Variants in SPATA31A1 observed in about 807,000 individuals in gnomAD.
SPATA31A1 encodes spermatogenesis-associated protein 31A1.
For missense variants in SPATA31A1, 579 were observed against 1,476.3 expected (o/e 0.39, Z 9.96); for synonymous variants, 194 against 573.4 (o/e 0.34, Z 9.45).
Position 39,361,359 on chromosome 9 carries a change from T to G in SPATA31A1, c.3594T>G (p.Cys1198Trp). The G allele has an allele frequency of 6.2e-7, 1 of 1,613,584 alleles. No homozygotes were observed. Among genetic ancestry groups the G allele is most frequent in the Non-Finnish European group, 8.5e-7 (1 of 1,179,842 alleles). The change falls in exon 4 of 4, where the codon TGT (cysteine) becomes TGG (tryptophan). Residue 1198 changes from cysteine to tryptophan, a missense_variant. Transcript: ENST00000377647. The stretch of plus-strand genomic sequence containing the variant: ...AAAAAACAGTGAAAAACAGATCATG[T>G]GTGTACAGCAGCAGTGCTGAAGCTC... ...ESQKTVKNRS[C>W]VYSSSAEAQG...
At position 39,358,736 on chromosome 9, in the gene SPATA31A1, G is replaced by T. The variant is rs1587773364; in HGVS notation, c.971G>T (p.Gly324Val). ...AGSLFLLSSDGQNAVGIQVTE... is the reference protein window; with the variant it reads ...AGSLFLLSSDVQNAVGIQVTE... ...AGCCTGTTTTTGCTCAGCTCTGATGGCCAGAATGCCGTGGGGATACAAGTC... is the reference window on the plus strand; with the variant it reads ...AGCCTGTTTTTGCTCAGCTCTGATGTCCAGAATGCCGTGGGGATACAAGTC... Residue 324 changes from glycine to valine, a missense_variant, in exon 4 of 4, where the codon GGC becomes GTC. Physicochemically the swap from Gly to Val is moderately radical, Grantham distance 109. Coordinates refer to ENST00000377647, the MANE Select transcript of SPATA31A1 (RefSeq NM_001085452.4). 14 of 1,604,294 alleles carry T rather than the reference G, an allele frequency of 8.7e-6. No individual in the cohort carries two copies. The highest frequency in any genetic ancestry group is 1.2e-5 in the Non-Finnish European group (14 of 1,179,792).
In SPATA31A1 at chr9:39,361,306, A is replaced by T. The variant is rs1441840450; in HGVS notation, c.3541A>T (p.Lys1181Ter). The T allele has an allele frequency of 6.2e-7, 1 of 1,613,278 alleles. No individual in the cohort carries two copies. The highest frequency in any genetic ancestry group is 8.5e-7 in the Non-Finnish European group (1 of 1,179,844). Reference protein sequence around the residue: ...FQWIFSKKKSKPAPVTAESQK... With the variant: ...FQWIFSKKKS ...GTGGATTTTTTCAAAGAAAAAAAGC[A>T]AGCCAGCACCAGTCACTGCTGAGAG... Residue 1181 changes from lysine to a stop codon, truncating the protein, a stop_gained, in exon 4 of 4, where the codon AAG (lysine) becomes TAG (stop). Transcript: ENST00000377647. LOFTEE classifies it low-confidence loss of function (END_TRUNC).
In SPATA31A1 at chr9:39,360,770, A is replaced by G. The variant is rs964481228; in HGVS notation, c.3005A>G (p.Lys1002Arg). The part of the protein sequence containing the change: ...PRVSVSQDPR[K>R]LCLMEEVVNE... ...GTGTCTGTCTCCCAAGATCCAAGAA[A>G]GCTGTGTCTTATGGAGGAGGTTGTT... is the stretch of plus-strand genomic sequence containing the variant. The change falls in exon 4 of 4, where the codon AAG (lysine) becomes AGG (arginine). Residue 1002 changes from lysine to arginine, a missense_variant. Coordinates refer to ENST00000377647, the MANE Select transcript of SPATA31A1 (RefSeq NM_001085452.4). 1.9e-6 allele frequency: 3 copies of G among 1,610,992 alleles called. No homozygotes were observed. In the African/African-American group the frequency reaches 4.0e-5, roughly 22 times the overall value.
chr9:39,356,543 C>CATTTTATTTTATTTT (rs1311401622), intron 1 of SPATA31A1, among the ~76,000 whole-genome samples: 1 of 66,256 alleles, frequency 1.5e-5, no homozygotes, highest in Non-Finnish European at 3.1e-5. Context: ...GTGTTATTTT[C>CATTTTATTTTATTTT]ATTTTATTTT....
Position 39,361,312 on chromosome 9 carries a change from G to T in SPATA31A1, c.3547G>T (p.Ala1183Ser). 6.2e-7 allele frequency: 1 copy of T among 1,613,284 alleles called. No homozygotes were observed. The highest frequency in any genetic ancestry group is 8.5e-7 in the Non-Finnish European group (1 of 1,179,834). Residue 1183 changes from alanine (A) to serine (S), a missense_variant, in exon 4 of 4, where the codon GCA (alanine) becomes TCA (serine). Coordinates refer to ENST00000377647, the MANE Select transcript of SPATA31A1 (RefSeq NM_001085452.4). ...WIFSKKKSKPAPVTAESQKTV... is the reference protein window; with the variant it reads ...WIFSKKKSKPSPVTAESQKTV... ...TTTTTCAAAGAAAAAAAGCAAGCCA[G>T]CACCAGTCACTGCTGAGAGCCAAAA... is the stretch of plus-strand genomic sequence containing the variant.
Position 39,355,838 on chromosome 9 carries a change from G to C in SPATA31A1, c.108G>C (p.Leu36=). 1 of 363,114 alleles carries C rather than the reference G, an allele frequency of 2.8e-6. No individual in the cohort carries two copies. Among genetic ancestry groups the C allele is most frequent in the Non-Finnish European group, 4.3e-6 (1 of 232,704 alleles). The allele number at this position is 363,114 out of a possible 1,614,324, so 22.5% of individuals were successfully genotyped here. The stretch of plus-strand genomic sequence containing the variant: ...TCTTCCTCACTTTGGTGTTTGCCCT[G>C]GGGTTCTTCTTCCTATTACTCCCCT... ...LDIFLTLVFA[L]GFFFLLLPYL... Residue 36 remains leucine, a synonymous_variant, in exon 1 of 4, where the codon CTG becomes CTC. Transcript: ENST00000377647.
Position 39,360,745 on chromosome 9 carries a change from G to C in SPATA31A1, c.2980G>C (p.Val994Leu). The C allele has an allele frequency of 6.2e-7, 1 of 1,612,044 alleles. No individual in the cohort carries two copies. The highest frequency in any genetic ancestry group is 8.5e-7 in the Non-Finnish European group (1 of 1,179,702). Residue 994 changes from valine (V) to leucine (L), a missense_variant, in exon 4 of 4, where the codon GTG becomes CTG. Coordinates refer to ENST00000377647, the MANE Select transcript of SPATA31A1 (RefSeq NM_001085452.4). The stretch of plus-strand genomic sequence containing the variant: ...CAGCAAAAGCTCTCTACACCCTAGA[G>C]TGTCTGTCTCCCAAGATCCAAGAAA... ...GTSKSSLHPR[V>L]SVSQDPRKLC...
chr9:39,356,434 G>A (rs1275839870), intron 1 of SPATA31A1, among the ~76,000 whole-genome samples: 1 of 127,460 alleles, frequency 7.8e-6, no homozygotes, highest in African/African-American at 3.1e-5. Flanking sequence ...TGGAGCAGAG[G>A]AACAGGGACT....
intron 1 of SPATA31A1, among the ~76,000 whole-genome samples, chr9:39,356,439 G>A (rs1401475320): frequency 7.7e-6 from 1 of 130,622 alleles, no homozygotes; most frequent in Admixed American, 7.8e-5. Flanking sequence ...CAGAGGAACA[G>A]GGACTGAAGG....
chr9:39,358,769 C>T lies in SPATA31A1; in HGVS notation c.1004C>T (p.Thr335Ile), dbSNP rs1322103658. 3 of 1,601,290 alleles carry T rather than the reference C, an allele frequency of 1.9e-6. No individual in the cohort carries two copies. The highest frequency in any genetic ancestry group is 2.5e-6 in the Non-Finnish European group (3 of 1,179,772). Residue 335 changes from threonine (T) to isoleucine (I), a missense_variant, in exon 4 of 4, where the codon ACA becomes ATA. Physicochemically the swap from Thr to Ile is moderately conservative, Grantham distance 89. Transcript: ENST00000377647. ...GCCGTGGGGATACAAGTCACAGAAA[C>T]AGCCAAGGTCAACATTTGGGAAGAA... ...QNAVGIQVTE[T>I]AKVNIWEEKE...
Position 39,358,490 on chromosome 9 carries a change from C to T in SPATA31A1, c.725C>T (p.Ser242Leu). 6.4e-7 allele frequency: 1 copy of T among 1,571,722 alleles called. No homozygotes were observed. Among genetic ancestry groups the T allele is most frequent in the South Asian group, 1.1e-5 (1 of 89,234 alleles). Reference protein sequence around the residue: ...STLITPSHCDSVALPLGTVPQ... With the variant: ...STLITPSHCDLVALPLGTVPQ... ...CTGATAACTCCATCTCACTGTGACTCAGTGGCACTTCCACTGGGCACCGTC... is the reference window on the plus strand; with the variant it reads ...CTGATAACTCCATCTCACTGTGACTTAGTGGCACTTCCACTGGGCACCGTC... The change falls in exon 4 of 4, where the codon TCA (serine) becomes TTA (leucine). Residue 242 changes from serine to leucine, a missense_variant. By Grantham distance (145) the Ser-to-Leu change is moderately radical (BLOSUM62 -2). Transcript: ENST00000377647.
rs1378616728 is a variant in SPATA31A1 at position 39,360,799 on chromosome 9, G to A, written c.3034G>A (p.Glu1012Lys). 1 of 1,608,926 alleles carries A rather than the reference G, an allele frequency of 6.2e-7. No individual in the cohort carries two copies. Among genetic ancestry groups the A allele is most frequent in the South Asian group, 1.1e-5 (1 of 90,902 alleles). The change falls in exon 4 of 4, where the codon GAA becomes AAA. Residue 1012 changes from glutamate (E) to lysine (K), a missense_variant. Physicochemically the swap from Glu to Lys is moderately conservative, Grantham distance 56. Transcript: ENST00000377647. ...GTGTCTTATGGAGGAGGTTGTTAAT[G>A]AATTTGAGCCTGGAATGGCCACAAA... Reference protein sequence around the residue: ...KLCLMEEVVNEFEPGMATKSE... With the variant: ...KLCLMEEVVNKFEPGMATKSE...
In SPATA31A1 at chr9:39,358,663, G is replaced by A. The variant is rs1259194390; in HGVS notation, c.898G>A (p.Asp300Asn). 2.1e-5 allele frequency: 33 copies of A among 1,608,318 alleles called. No individual in the cohort carries two copies. Among genetic ancestry groups the A allele is most frequent in the Non-Finnish European group, 1.1e-5 (13 of 1,179,762 alleles). Residue 300 changes from aspartate to asparagine, a missense_variant, in exon 4 of 4, where the codon GAT (aspartate) becomes AAT (asparagine). Physicochemically the swap from Asp to Asn is conservative, Grantham distance 23. Transcript: ENST00000377647. Reference sequence around the variant, plus strand: ...CGCCTTTAACTCATCAGTCCAGCAAGATCATCTTTCCCGCCACCCACCAGA... The same window carrying A: ...CGCCTTTAACTCATCAGTCCAGCAAAATCATCTTTCCCGCCACCCACCAGA... ...SCAFNSSVQQ[D>N]HLSRHPPETY...
chr9:39,358,522 A>C lies in SPATA31A1; in HGVS notation c.757A>C (p.Ser253Arg). 6.3e-7 allele frequency: 1 copy of C among 1,580,202 alleles called. No individual in the cohort carries two copies. Among genetic ancestry groups the C allele is most frequent in the Non-Finnish European group, 8.5e-7 (1 of 1,173,198 alleles). Residue 253 changes from serine (S) to arginine (R), a missense_variant, in exon 4 of 4, where the codon AGC (serine) becomes CGC (arginine). Ser to Arg is a moderately radical substitution (Grantham distance 110). Coordinates refer to ENST00000377647, the MANE Select transcript of SPATA31A1 (RefSeq NM_001085452.4). The stretch of plus-strand genomic sequence containing the variant: ...ACTTCCACTGGGCACCGTCCCTCAA[A>C]GCTTGTCTCCACATGAGGATTTGGT... ...VALPLGTVPQSLSPHEDLVAS... is the reference protein window; with the variant it reads ...VALPLGTVPQRLSPHEDLVAS...
Position 39,357,553 on chromosome 9 carries a change from G to A in SPATA31A1, c.248-205G>A, listed in dbSNP as rs1298421805. 4 of 680,974 alleles carry A rather than the reference G, an allele frequency of 5.9e-6. No individual in the cohort carries two copies. The East Asian group carries it at 8.2e-5, about 14-fold the overall frequency. The allele number at this position is 680,974 out of a possible 1,614,324, so 42.2% of individuals were successfully genotyped here. On this transcript the variant is annotated intron_variant, in intron 2 of 3. Transcript: ENST00000377647. ...GTTGTGAGGACTGTGGGGGTGGGGG[G>A]TCCGTGTGTGGAAGCCCTTTGTGAA...
rs1823389347 is a variant in SPATA31A1, at chr9:39,358,701, G to A, written c.936G>A (p.Met312Ile). Residue 312 changes from methionine to isoleucine, a missense_variant, in exon 4 of 4, where the codon ATG (methionine) becomes ATA (isoleucine). Coordinates refer to ENST00000377647, the MANE Select transcript of SPATA31A1 (RefSeq NM_001085452.4). ...GCCACCCACCAGAGACCTACCAGATGGAAGCTGGTAGCCTGTTTTTGCTCA... is the reference window on the plus strand; with the variant it reads ...GCCACCCACCAGAGACCTACCAGATAGAAGCTGGTAGCCTGTTTTTGCTCA... ...LSRHPPETYQ[M>I]EAGSLFLLSS... 4 of 1,608,456 alleles carry A rather than the reference G, an allele frequency of 2.5e-6. No individual in the cohort carries two copies. The highest frequency in any genetic ancestry group is 1.7e-4 in the Middle Eastern group (1 of 6,052).
chr9:39,359,839 A>T lies in SPATA31A1; in HGVS notation c.2074A>T (p.Lys692Ter). 6.2e-7 allele frequency: 1 copy of T among 1,609,792 alleles called. No homozygotes were observed. Among genetic ancestry groups the T allele is most frequent in the South Asian group, 1.1e-5 (1 of 90,928 alleles). ...CAGGGACATGAAAAGCTTCCCACGG[A>T]AGGTTCTGGGGGTGACTTCTGAGGA... ...LSRDMKSFPR[K>*]VLGVTSEESE... Residue 692 changes from lysine to a stop codon, truncating the protein, a stop_gained, in exon 4 of 4, where the codon AAG becomes TAG. Coordinates refer to ENST00000377647, the MANE Select transcript of SPATA31A1 (RefSeq NM_001085452.4). LOFTEE classifies it low-confidence loss of function (END_TRUNC).
rs1344004787 is a variant in SPATA31A1 at position 39,361,541 on chromosome 9, G to C, written c.3776G>C (p.Gly1259Ala). 2.5e-6 allele frequency: 4 copies of C among 1,613,118 alleles called. No individual in the cohort carries two copies. Among genetic ancestry groups the C allele is most frequent in the Middle Eastern group, 3.5e-4 (2 of 5,766 alleles). Residue 1259 changes from glycine to alanine, a missense_variant, in exon 4 of 4, where the codon GGC becomes GCC. Gly to Ala is a moderately conservative substitution (Grantham distance 60). Transcript: ENST00000377647. ...NHRHLFYSEHGRILSYAASSQ... is the reference protein window; with the variant it reads ...NHRHLFYSEHARILSYAASSQ... ...AGGCACCTCTTCTACTCAGAACACG[G>C]CAGAATACTGAGCTATGCAGCCAGC... is the stretch of plus-strand genomic sequence containing the variant.
intron 3 of SPATA31A1, 95 bp from the exon 4 acceptor site, chr9:39,357,979 G>C: frequency 6.3e-7 from 1 of 1,596,970 alleles, no homozygotes; most frequent in Non-Finnish European, 8.5e-7. Context: ...GGCAATCAGG[G>C]TGTGGGGTGG....
Sources: gnomAD v4.1 joint callset for allele counts (sites outside exome capture counted in the v4.1 genomes callset) on GRCh38, gnomAD v4.1.1 for gene constraint, MANE v1.5 for transcripts, NCBI Gene and HGNC (gene_info 2026-07-23, HGNC 2026-07-21) for gene names.